The following SNX8 variants were observed in gnomAD, a reference collection of about 807,000 sequenced individuals.
SNX8 encodes the protein sorting nexin-8.
SNX8 carries 25 observed loss-of-function variants against 51.6 expected under a neutral mutation model. The ratio of observed to expected loss-of-function variants is 0.48; its 90% confidence interval spans 0.35 to 0.68. SNX8 has a LOEUF of 0.68. Among genes scored for constraint, SNX8 ranks in the 30% least tolerant of loss-of-function variants. The pLI, the probability that SNX8 is intolerant of heterozygous loss-of-function variation, is 0.00. For missense variants in SNX8, 695 were observed against 624.0 expected, an observed-to-expected ratio of 1.11 and a Z score of -1.21; for synonymous variants, 324 against 277.0, an observed-to-expected ratio of 1.17 and a Z score of -1.68.
chr7:2,340,301 A>C (rs1041129730), intron 1 of SNX8, among the ~76,000 whole-genome samples: 10 of 149,260 alleles, frequency 6.7e-5, no homozygotes, highest in Admixed American at 4.0e-4. Flanking sequence ...CGAACTCCCG[A>C]CCTCACGTGA....
chr7:2,283,409 G>A (rs1014358419), intron 1 of SNX8, among the ~76,000 whole-genome samples: 1 of 152,194 alleles, frequency 6.6e-6, no homozygotes, highest in Non-Finnish European at 1.5e-5. Flanking sequence ...CCAGGTCCGC[G>A]CCGCCCAGGC....
At chr7:2,266,206 A>C (rs1313587479) in intron 5 of SNX8, among the ~76,000 whole-genome samples, 1 of 152,154 alleles carries the variant, frequency 6.6e-6, no homozygotes, top group Non-Finnish European at 1.5e-5. Context: ...CGTCTTTGAC[A>C]CAAAGTCTCA....
Position 2,329,942 on chromosome 7 carries a change from C to A in SNX8, c.-66+24280G>T, listed in dbSNP as rs1160281077. 3.0e-5 allele frequency among the ~76,000 whole-genome samples: 4 copies of A among 135,018 alleles called. No individual in the cohort carries two copies. The East Asian group carries it at 6.7e-4, about 22-fold the overall frequency. The allele number at this position is 135,018 out of a possible 152,430, so 88.6% of individuals were successfully genotyped here. A position where few individuals can be genotyped will look rare whatever the true frequency, so the allele number is the denominator to read the frequency against. ...TCCTGGGTTCAAGCAATTCGCCACT[C>A]CACCCACCCCCCGCCCCATGTAGCT... is the stretch of plus-strand genomic sequence containing the variant. On this transcript the variant is annotated intron_variant, in intron 1 of 5. Coordinates refer to the SNX8 transcript ENST00000435336.
intron 1 of SNX8, among the ~76,000 whole-genome samples, chr7:2,307,452 T>C (rs765518579): frequency 6.6e-6 from 1 of 151,630 alleles, no homozygotes; most frequent in Non-Finnish European, 1.5e-5. Context: ...GCCAACATGG[T>C]GAAACCCCAT....
chr7:2,296,239 C>G (rs1796270431), intron 1 of SNX8, among the ~76,000 whole-genome samples: 1 of 151,658 alleles, frequency 6.6e-6, no homozygotes, highest in South Asian at 2.1e-4. Flanking sequence ...TTTGTGTCAT[C>G]TATGATTTAT....
chr7:2,273,777 G>A (rs1181934016), intron 3 of SNX8, among the ~76,000 whole-genome samples: 3 of 150,926 alleles, frequency 2.0e-5, no homozygotes, highest in East Asian at 3.9e-4. Context: ...GGTGGCGGGC[G>A]CCTGTAGTCC....
At chr7:2,291,406 T>C (rs546019191) in intron 1 of SNX8, among the ~76,000 whole-genome samples, 39 of 152,168 alleles carry the variant, frequency 2.6e-4, no homozygotes, top group African/African-American at 8.7e-4. Context: ...GAGACCAGCA[T>C]GGCCAACATG....
At chr7:2,308,649 G>A (rs1192233661) in intron 1 of SNX8, among the ~76,000 whole-genome samples, 2 of 119,330 alleles carry the variant, frequency 1.7e-5, no homozygotes, top group Admixed American at 1.1e-4. Context: ...CTGGGCAACA[G>A]AGTGAGACTC....
chr7:2,280,304 G>A (rs902866675), intron 1 of SNX8, among the ~76,000 whole-genome samples: 1 of 151,656 alleles, frequency 6.6e-6, no homozygotes, highest in Non-Finnish European at 1.5e-5. Context: ...GTTCTAAATA[G>A]AAAAAAAAGT....
chr7:2,289,662 C>A (rs935309524), intron 1 of SNX8, among the ~76,000 whole-genome samples: 1 of 152,092 alleles, frequency 6.6e-6, no homozygotes, highest in African/African-American at 2.4e-5. Flanking sequence ...CACTAGATTG[C>A]CAAGGCAATA....
chr7:2,317,749 C>A (rs1481609249), upstream of SNX8, among the ~76,000 whole-genome samples: 2 of 152,080 alleles, frequency 1.3e-5, no homozygotes. Context: ...ACCTAGGACG[C>A]CATAGGGTCC....
chr7:2,291,235 G>A (rs1190886068), intron 1 of SNX8, among the ~76,000 whole-genome samples: 1 of 152,136 alleles, frequency 6.6e-6, no homozygotes, highest in African/African-American at 2.4e-5. Flanking sequence ...AGAAGTTCAA[G>A]GCTGCAGTAA....
intron 1 of SNX8, among the ~76,000 whole-genome samples, chr7:2,299,078 C>T (rs1056116840): frequency 6.6e-6 from 1 of 152,054 alleles, no homozygotes; most frequent in East Asian, 1.9e-4. Context: ...TGACCAGGGT[C>T]AGGGCTCCCC....
At chr7:2,314,296 C>G (rs892077030) in intron 1 of SNX8, 32 bp downstream of exon 1, 3 of 1,218,814 alleles carry the variant, frequency 2.5e-6, no homozygotes, top group African/African-American at 1.6e-5. Flanking sequence ...GCGCCCTGGG[C>G]AGGTGGGGGC....
chr7:2,326,005 A>T (rs753646053), intron 1 of SNX8, among the ~76,000 whole-genome samples: 56 of 152,296 alleles, frequency 3.7e-4, no homozygotes, highest in Non-Finnish European at 6.3e-4. Flanking sequence ...ATATTTAACT[A>T]AGAAGACTTC....
In SNX8 at chr7:2,321,401, G is replaced by A. The variant is rs118039463; in HGVS notation, c.-66+32821C>T. Among the ~76,000 whole-genome samples the A allele has an allele frequency of 7.9e-3, 1,209 of 152,168 alleles. 5 individuals carry two copies. The highest frequency in any genetic ancestry group is 0.014 in the Non-Finnish European group (949 of 68,014). On this transcript the variant is annotated intron_variant, in intron 1 of 5. Coordinates refer to the SNX8 transcript ENST00000435336. ...CAGAATACTATTCCTGCGTATTCAG[G>A]GAACTGTAAAAAGAAAATGGAATTT...
intron 1 of SNX8, among the ~76,000 whole-genome samples, chr7:2,300,076 G>T (rs1053537906): frequency 6.6e-6 from 1 of 152,144 alleles, no homozygotes; most frequent in Non-Finnish European, 1.5e-5. Context: ...TAGGAACTGT[G>T]AAAAATGTCA....
At position 2,257,409 on chromosome 7, in the gene SNX8, G is replaced by A. The variant is rs775447474; in HGVS notation, c.1090C>T (p.Arg364Cys). Reference sequence around the variant, plus strand: ...AGCTGCTCCACGGACTCCGGCTCGCGGTTCTGCGCGGTGGCGCTCATCATC... The same window carrying A: ...AGCTGCTCCACGGACTCCGGCTCGCAGTTCTGCGCGGTGGCGCTCATCATC... ...RQMMSATAQN[R>C]EPESVEQLES... Residue 364 changes from arginine to cysteine, a missense_variant, in exon 9 of 11, where the codon CGC becomes TGC. Transcript: ENST00000222990. 3 of 1,610,540 alleles carry A rather than the reference G, an allele frequency of 1.9e-6. No individual in the cohort carries two copies. The highest frequency in any genetic ancestry group is 4.5e-5 in the East Asian group (2 of 44,836).
At chr7:2,260,112 T>C (rs1186249473) in intron 7 of SNX8, among the ~76,000 whole-genome samples, 2 of 152,190 alleles carry the variant, frequency 1.3e-5, no homozygotes, top group African/African-American at 2.4e-5. Context: ...GGCTTTTTTT[T>C]TGAGACAGAG....
Sources: allele counts gnomAD v4.1 joint callset (sites outside exome capture counted in the v4.1 genomes callset), GRCh38; gene constraint gnomAD v4.1.1; transcripts MANE v1.5; gene names NCBI Gene and HGNC (gene_info 2026-07-23, HGNC 2026-07-21).